Variants in DAB1 observed in about 807,000 individuals in gnomAD.
The protein encoded by DAB1 is disabled homolog 1.
DAB1 carries 15 observed loss-of-function variants against 64.6 expected under a neutral mutation model. That is an observed-to-expected ratio of 0.23 (90% CI 0.16 to 0.36). The LOEUF (loss-of-function observed/expected upper bound fraction) is 0.36. Among genes scored for constraint, DAB1 ranks in the 10% least tolerant of loss-of-function variants. The pLI is 1.00. For missense variants in DAB1, 596 were observed against 706.7 expected, an observed-to-expected ratio of 0.84 and a Z score of 1.78; for synonymous variants, 235 against 251.9, an observed-to-expected ratio of 0.93 and a Z score of 0.64.
At chr1:58,074,558 A>ATGTG (rs1553157890) in intron 5 of DAB1, 1 of 57,604 alleles carries the variant, frequency 1.7e-5, no homozygotes, top group African/African-American at 6.5e-5. Context: ...ACATATATAT[A>ATGTG]TGTGTGTATA....
At chr1:57,374,029 T>A (rs1252832847) in intron 1 of DAB1, among the ~76,000 whole-genome samples, 1 of 152,208 alleles carries the variant, frequency 6.6e-6, no homozygotes, top group Non-Finnish European at 1.5e-5. Context: ...TATGCAACCT[T>A]TCTATGGTAA....
intron 5 of DAB1, among the ~76,000 whole-genome samples, chr1:58,107,938 A>C (rs1262819036): frequency 1.3e-5 from 2 of 152,154 alleles, no homozygotes; most frequent in Non-Finnish European, 2.9e-5. Context: ...TTTTAAACAC[A>C]GGGAAAAAAA....
rs147840823 is a variant in DAB1, at chr1:58,196,842, G to A, written n.310-46254C>T. 7.9e-5 allele frequency among the ~76,000 whole-genome samples: 12 copies of A among 152,254 alleles called. No individual in the cohort carries two copies. The East Asian group carries it at 1.9e-3, about 24-fold the overall frequency. ...CTGACACATGGGGATTACAATTTGCGATGAGATTTGGGTGGGGACAAAGAG... is the reference window on the plus strand; with the variant it reads ...CTGACACATGGGGATTACAATTTGCAATGAGATTTGGGTGGGGACAAAGAG... On this transcript the variant is annotated intron_variant and non_coding_transcript_variant, in intron 4 of 20. Coordinates refer to the DAB1 transcript ENST00000485760.
At chr1:58,247,056 C>G (rs1660571432) in intron 4 of DAB1, among the ~76,000 whole-genome samples, 1 of 152,040 alleles carries the variant, frequency 6.6e-6, no homozygotes, top group African/African-American at 2.4e-5. Context: ...CTGGGAGTAA[C>G]ACGATCAAAG....
chr1:57,902,014 G>C (rs988877421), intron 5 of DAB1, among the ~76,000 whole-genome samples: 19 of 151,912 alleles, frequency 1.3e-4, no homozygotes, highest in Non-Finnish European at 5.9e-5. Context: ...AATTAGCTGG[G>C]CATGGTAGTG....
chr1:57,626,019 A>G (rs1392585881), intron 7 of DAB1, among the ~76,000 whole-genome samples: 1 of 152,266 alleles, frequency 6.6e-6, no homozygotes, highest in Non-Finnish European at 1.5e-5. Context: ...AAGAAACAAT[A>G]AGAATAAAAT....
rs61765266 is a variant in DAB1 at position 57,065,318 on chromosome 1, T to G, written c.664-2375A>C. ...AATAAAAATTGCTAAGCACGTATTA[T>G]GTGTCATGCATCACGCGTTCCCTGG... is the stretch of plus-strand genomic sequence containing the variant. On this transcript the variant is annotated intron_variant, in intron 8 of 14. Coordinates refer to ENST00000371236, the MANE Select transcript of DAB1 (RefSeq NM_001365792.1). Among the ~76,000 whole-genome samples the G allele has an allele frequency of 4.2e-3, 643 of 152,326 alleles. 4 individuals are homozygous for G. The highest frequency in any genetic ancestry group is 0.017 in the Admixed American group (256 of 15,310).
intron 7 of DAB1, among the ~76,000 whole-genome samples, chr1:57,444,423 A>G (rs923772412): frequency 6.6e-6 from 1 of 152,208 alleles, no homozygotes; most frequent in African/African-American, 2.4e-5. Context: ...TCAGGGCAAA[A>G]GAATGTTTTC....
chr1:57,187,446 A>G (rs763063522), intron 2 of DAB1, among the ~76,000 whole-genome samples: 1 of 152,214 alleles, frequency 6.6e-6, no homozygotes, highest in African/African-American at 2.4e-5. Context: ...CAATTTGCGT[A>G]TGATTCTGGA....
intron 7 of DAB1, among the ~76,000 whole-genome samples, chr1:57,551,279 T>C (rs1266520514): frequency 6.6e-6 from 1 of 152,202 alleles, no homozygotes; most frequent in Non-Finnish European, 1.5e-5. Context: ...ATCCCATTCT[T>C]ATCCCATTAA....
chr1:57,148,081 G>A (rs1659321782), intron 2 of DAB1, among the ~76,000 whole-genome samples: 1 of 152,160 alleles, frequency 6.6e-6, no homozygotes, highest in South Asian at 2.1e-4. Flanking sequence ...CAATACATTG[G>A]CAGCATTAAA....
intron 9 of DAB1, among the ~76,000 whole-genome samples, chr1:57,059,778 G>A (rs1570614563): frequency 6.6e-6 from 1 of 152,134 alleles, no homozygotes. Flanking sequence ...CTGAGGCAAG[G>A]AAATATATCG....
chr1:57,729,659 G>A (rs1251577401), intron 6 of DAB1, among the ~76,000 whole-genome samples: 1 of 152,222 alleles, frequency 6.6e-6, no homozygotes, highest in Non-Finnish European at 1.5e-5. Context: ...GCAGGCAGGG[G>A]ACAAGTAGCT....
chr1:57,497,344 G>C (rs1429600922), intron 7 of DAB1, among the ~76,000 whole-genome samples: 1 of 152,162 alleles, frequency 6.6e-6, no homozygotes, highest in Non-Finnish European at 1.5e-5. Context: ...GTTCATTGCT[G>C]TATTACCACT....
At chr1:57,416,208 A>G (rs1282834672) in intron 1 of DAB1, among the ~76,000 whole-genome samples, 2 of 152,200 alleles carry the variant, frequency 1.3e-5, no homozygotes, top group Non-Finnish European at 2.9e-5. Context: ...AGAGAAGAAA[A>G]TGTCACCCAC....
chr1:58,357,604 C>CT (rs879673173), intron 3 of DAB1, among the ~76,000 whole-genome samples: 17 of 152,152 alleles, frequency 1.1e-4, no homozygotes, highest in Non-Finnish European at 1.9e-4. Context: ...GCACTTGAAG[C>CT]TTTAAGATGG....
intron 6 of DAB1, among the ~76,000 whole-genome samples, chr1:57,663,805 T>TA (rs1646415442): frequency 6.6e-6 from 1 of 152,188 alleles, no homozygotes; most frequent in South Asian, 2.1e-4. Context: ...TGAACAATTT[T>TA]AAAATGGCCT....
intron 4 of DAB1, among the ~76,000 whole-genome samples, chr1:58,341,918 T>C (rs1643942206): frequency 6.6e-6 from 1 of 152,218 alleles, no homozygotes; most frequent in East Asian, 1.9e-4. Flanking sequence ...AGGGTCTACA[T>C]ATTTCAGTTT....
At chr1:57,402,679 G>A (rs771605086) in intron 1 of DAB1, among the ~76,000 whole-genome samples, 7 of 152,238 alleles carry the variant, frequency 4.6e-5, no homozygotes, top group South Asian at 4.2e-4. Context: ...TAGATGTATC[G>A]ATTTACTTAC....
Sources: allele counts gnomAD v4.1 joint callset (sites outside exome capture counted in the v4.1 genomes callset), GRCh38; gene constraint gnomAD v4.1.1; transcripts MANE v1.5; gene names NCBI Gene and HGNC (gene_info 2026-07-23, HGNC 2026-07-21).